Variants in C9 observed in about 807,000 individuals in gnomAD.
C9 encodes the protein complement component C9.
In C9, 63 loss-of-function variants were observed where a neutral mutation model predicts 65.4. The observed-to-expected ratio is 0.96, with a 90% CI of 0.79 to 1.19. The LOEUF (loss-of-function observed/expected upper bound fraction) is 1.19. C9 is among the 50% of genes most tolerant of loss of function. The probability of loss-of-function intolerance (pLI) is 0.00; values close to 1 mark genes in which losing one functional copy is unlikely to be tolerated. For synonymous variants in C9, 229 were observed against 227.9 expected, an observed-to-expected ratio of 1.00 and a Z score of -0.04; for missense variants, 744 against 670.1, an observed-to-expected ratio of 1.11 and a Z score of -1.22.
In C9 at chr5:39,285,139, G is replaced by C. The variant is rs995662039; in HGVS notation, c.*60C>G. 45 of 1,336,760 alleles carry C rather than the reference G, an allele frequency of 3.4e-5. No individual in the cohort carries two copies. The highest frequency in any genetic ancestry group is 4.9e-5 in the Non-Finnish European group (45 of 927,018). The allele number at this position is 1,336,760 out of a possible 1,614,324, so 82.8% of individuals were successfully genotyped here. On this transcript the variant is annotated 3_prime_UTR_variant, in exon 11 of 11. Transcript: ENST00000263408. ...TTGGCAGCTAAGATTATCTTCAGGG[G>C]TAGGATCTGAAGGTACTAGTGTTTT...
At chr5:39,324,258 C>T (rs1433354254) in intron 5 of C9, among the ~76,000 whole-genome samples, 1 of 152,044 alleles carries the variant, frequency 6.6e-6, no homozygotes, top group Non-Finnish European at 1.5e-5. Context: ...TCTGCAGACT[C>T]AATGCAATCC....
At chr5:39,364,367 G>GC (rs1292333472) in intron 1 of C9, 21 bp downstream of exon 1, 1 of 1,432,940 alleles carries the variant, frequency 7.0e-7, no homozygotes, top group Non-Finnish European at 9.9e-7. Flanking sequence ...CCAGAGACAA[G>GC]CAGAAAAGTA....
intron 9 of C9, among the ~76,000 whole-genome samples, chr5:39,305,964 C>G (rs769022258): frequency 7.2e-5 from 11 of 151,998 alleles, no homozygotes; most frequent in Non-Finnish European, 1.5e-4. Context: ...AGTTTGAGAC[C>G]AGCCTGGCCA....
intron 1 of C9, among the ~76,000 whole-genome samples, chr5:39,360,366 T>G (rs187805263): frequency 1.1e-4 from 16 of 152,164 alleles, no homozygotes; most frequent in Non-Finnish European, 1.6e-4. Flanking sequence ...GAGTTGGAAT[T>G]GAAACCCGGA....
At chr5:39,329,980 C>T (rs1753813699) in intron 5 of C9, among the ~76,000 whole-genome samples, 5 of 152,158 alleles carry the variant, frequency 3.3e-5, no homozygotes, top group Admixed American at 3.3e-4. Flanking sequence ...GGATTATCAG[C>T]AGTGGGAGCA....
At chr5:39,336,887 T>A (rs1401664510) in intron 4 of C9, among the ~76,000 whole-genome samples, 1 of 151,952 alleles carries the variant, frequency 6.6e-6, no homozygotes, top group African/African-American at 2.4e-5. Context: ...AAAAGTTGAT[T>A]AGGTAATCTT....
chr5:39,342,208 G>C lies in C9; in HGVS notation c.78-12C>G. ...GCTCTGGGTCATAACTAAGATAACA[G>C]AACATCCCAGTTTATAATGACCATT... On this transcript the variant is annotated splice_polypyrimidine_tract_variant and intron_variant, in intron 1 of 10. Coordinates refer to ENST00000263408, the MANE Select transcript of C9 (RefSeq NM_001737.5). The C allele has an allele frequency of 5.3e-6, 7 of 1,330,750 alleles. No individual in the cohort carries two copies. Among genetic ancestry groups the C allele is most frequent in the Non-Finnish European group, 7.6e-6 (7 of 921,434 alleles). The allele number at this position is 1,330,750 out of a possible 1,614,324, so 82.4% of individuals were successfully genotyped here.
rs188488838 is a variant in C9 at position 39,353,582 on chromosome 5, G to A, written c.77+10806C>T. On this transcript the variant is annotated intron_variant, in intron 1 of 10. Coordinates refer to ENST00000263408, the MANE Select transcript of C9 (RefSeq NM_001737.5). ...CACCTTAACCTCCCCGTGTAATTTA[G>A]TTTTCTATATACATATTCTTATAGC... 2.4e-4 allele frequency among the ~76,000 whole-genome samples: 36 copies of A among 152,128 alleles called. 1 individual carries two copies. Among genetic ancestry groups the A allele is most frequent in the African/African-American group, 8.7e-4 (36 of 41,512 alleles).
At chr5:39,326,532 T>C (rs527345672) in intron 5 of C9, among the ~76,000 whole-genome samples, 1 of 152,306 alleles carries the variant, frequency 6.6e-6, no homozygotes, top group Non-Finnish European at 1.5e-5. Flanking sequence ...TCTCAGGGTT[T>C]TGCTCTCCGG....
chr5:39,333,564 C>T (rs1267819435), intron 4 of C9, among the ~76,000 whole-genome samples: 5 of 148,466 alleles, frequency 3.4e-5, no homozygotes, highest in Non-Finnish European at 7.5e-5. Flanking sequence ...ATCTCCCTCT[C>T]CCTCTCCCTC....
intron 1 of C9, among the ~76,000 whole-genome samples, chr5:39,361,968 G>C (rs1402149320): frequency 2.0e-5 from 3 of 152,180 alleles, no homozygotes; most frequent in African/African-American, 7.2e-5. Flanking sequence ...CAAAGTGAAA[G>C]CACAGGAAGG....
At position 39,288,942 on chromosome 5, in the gene C9, T is replaced by G; in HGVS notation, c.1426A>C (p.Ile476Leu). The change falls in exon 10 of 11, where the codon ATA becomes CTA. Residue 476 changes from isoleucine to leucine, a missense_variant. Transcript: ENST00000263408. ...PVLISQKLSP[I>L]YNLVPVKMKN... is the part of the protein sequence containing the mutation. ...ATTTTCACTGGAACCAGATTATATA[T>G]AGGAGACAGCTGAAAGGAAGCAAAA... 1.3e-6 allele frequency: 2 copies of G among 1,585,736 alleles called. No individual in the cohort carries two copies. Among genetic ancestry groups the G allele is most frequent in the Non-Finnish European group, 1.7e-6 (2 of 1,154,754 alleles).
At chr5:39,340,701 G>C (rs982162026) in intron 4 of C9, among the ~76,000 whole-genome samples, 1 of 152,132 alleles carries the variant, frequency 6.6e-6, no homozygotes, top group African/African-American at 2.4e-5. Context: ...GTCAGCTCCA[G>C]AATGCTGGAA....
intron 4 of C9, among the ~76,000 whole-genome samples, chr5:39,339,881 G>C (rs983777651): frequency 6.6e-6 from 1 of 151,780 alleles, no homozygotes; most frequent in South Asian, 2.1e-4. Context: ...GGATGGTCTC[G>C]ATCTCCTGAC....
At chr5:39,304,989 C>T (rs1024749326) in intron 9 of C9, among the ~76,000 whole-genome samples, 13 of 152,182 alleles carry the variant, frequency 8.5e-5, no homozygotes, top group South Asian at 2.1e-4. Context: ...AGAGAACACT[C>T]TTGAATTTGT....
chr5:39,358,810 C>T (rs551768007), intron 1 of C9, among the ~76,000 whole-genome samples: 7 of 151,300 alleles, frequency 4.6e-5, no homozygotes, highest in Admixed American at 4.0e-4. Context: ...ACGGTGAAAC[C>T]CTGTCTCTAC....
chr5:39,319,685 C>T (rs1414666316), intron 5 of C9, among the ~76,000 whole-genome samples: 1 of 152,140 alleles, frequency 6.6e-6, no homozygotes, highest in Non-Finnish European at 1.5e-5. Context: ...ACCAGGGATC[C>T]AGCCTCTAGG....
chr5:39,316,792 G>A (rs1014965183), intron 5 of C9, among the ~76,000 whole-genome samples: 15 of 152,128 alleles, frequency 9.9e-5, no homozygotes, highest in Admixed American at 8.5e-4. Context: ...ATTGTGGATA[G>A]TGCTGCAATG....
intron 5 of C9, among the ~76,000 whole-genome samples, chr5:39,321,567 C>G (rs1447076406): frequency 6.6e-6 from 1 of 151,896 alleles, no homozygotes; most frequent in African/African-American, 2.4e-5. Context: ...AGTGGTAAGT[C>G]CTTACCTACC....
Sources: allele counts gnomAD v4.1 joint callset (sites outside exome capture counted in the v4.1 genomes callset), GRCh38; gene constraint gnomAD v4.1.1; transcripts MANE v1.5; gene names NCBI Gene and HGNC (gene_info 2026-07-23, HGNC 2026-07-21).